Variants in GUCY2C observed in about 807,000 individuals in gnomAD.
GUCY2C encodes guanylyl cyclase C.
A neutral mutation model predicts 131.1 loss-of-function variants in GUCY2C; 118 were observed. The ratio of observed to expected loss-of-function variants is 0.90; its 90% CI spans 0.78 to 1.05. GUCY2C has a LOEUF of 1.05. GUCY2C is among the 50% of genes least tolerant of loss of function. The pLI, the probability that GUCY2C is intolerant of heterozygous loss-of-function variation, is 0.00. For missense variants in GUCY2C, 1,161 were observed against 1,304.4 expected (o/e 0.89, Z 1.69); for synonymous variants, 452 against 457.8 (o/e 0.99, Z 0.16).
intron 1 of GUCY2C, among the ~76,000 whole-genome samples, chr12:14,694,323 G>A (rs995012105): frequency 2.0e-5 from 3 of 152,166 alleles, no homozygotes; most frequent in African/African-American, 7.2e-5. Context: ...AGAGTGACCC[G>A]CAAACAGACA....
Position 14,645,340 on chromosome 12 carries a change from G to C in GUCY2C, c.1711-25C>G, listed in dbSNP as rs764132457. The C allele has an allele frequency of 1.1e-5, 13 of 1,198,094 alleles. No homozygotes were observed. In the East Asian group the frequency reaches 3.0e-4, roughly 28 times the overall value. The allele number at this position is 1,198,094 out of a possible 1,614,324, so 74.2% of individuals were successfully genotyped here. ...CCTGAATAGGAAAAAAGAAGAAGAA[G>C]AAAAGTTGTTGCAAGAAAGGATATT... On this transcript the variant is annotated intron_variant, in intron 15 of 26. Coordinates refer to ENST00000261170, the MANE Select transcript of GUCY2C (RefSeq NM_004963.4).
intron 10 of GUCY2C, among the ~76,000 whole-genome samples, chr12:14,665,494 G>A (rs779031064): frequency 1.2e-4 from 18 of 152,306 alleles, no homozygotes; most frequent in Middle Eastern, 6.8e-3. Context: ...AGGTAAAGCA[G>A]AGTTGCCAAT....
intron 1 of GUCY2C, among the ~76,000 whole-genome samples, chr12:14,695,273 T>G (rs1167769246): frequency 6.6e-6 from 1 of 152,196 alleles, no homozygotes; most frequent in Non-Finnish European, 1.5e-5. Flanking sequence ...TTTTCCCCCT[T>G]TATTTTACAC....
chr12:14,696,184 C>G (rs1948651615), intron 1 of GUCY2C, 48 bp downstream of exon 1: 2 of 1,440,866 alleles, frequency 1.4e-6, no homozygotes, highest in African/African-American at 1.4e-5. Context: ...CATTTTGTCC[C>G]CAGAGGTAGT....
At position 14,662,443 on chromosome 12, in the gene GUCY2C, G is replaced by A. The variant is rs563185871; in HGVS notation, c.1283-1381C>T. Among the ~76,000 whole-genome samples, 4 of 152,164 alleles carry A rather than the reference G, an allele frequency of 2.6e-5. No individual in the cohort carries two copies. The East Asian group carries it at 7.7e-4, about 29-fold the overall frequency. On this transcript the variant is annotated intron_variant, in intron 10 of 26. Transcript: ENST00000261170. ...GTAATCCCAGCACTTTGGGGGGGCT[G>A]AGGGGCCGATCACCTGAGGTCAGGA...
rs761987614 is a variant in GUCY2C at position 14,628,649 on chromosome 12, A to G, written c.2246T>C (p.Phe749Ser). 9.4e-6 allele frequency: 14 copies of G among 1,493,814 alleles called. No homozygotes were observed. The highest frequency in any genetic ancestry group is 1.1e-5 in the Non-Finnish European group (12 of 1,070,504). The allele number at this position is 1,493,814 out of a possible 1,614,324, so 92.5% of individuals were successfully genotyped here. The change falls in exon 20 of 27, where the codon TTT becomes TCT. Residue 749 changes from phenylalanine (F) to serine (S), a missense_variant. By Grantham distance (155) the Phe-to-Ser change is radical (BLOSUM62 -2). Coordinates refer to ENST00000261170, the MANE Select transcript of GUCY2C (RefSeq NM_004963.4). ...KKIETTLAKI[F>S]GLFHDQKNES... is the part of the protein sequence containing the mutation. The stretch of plus-strand genomic sequence containing the variant: ...AAAGTAAACATTTCAGCAATACCCA[A>G]ATATCTTGGCAAGTGTAGTCTCAAT...
At chr12:14,661,096 A>G (rs1390083077) in intron 10 of GUCY2C, 34 bp from the exon 11 acceptor site, 1 of 1,302,900 alleles carries the variant, frequency 7.7e-7, no homozygotes, top group South Asian at 1.2e-5. Flanking sequence ...AGGACCTTAG[A>G]CAAGAGAGCA....
intron 10 of GUCY2C, among the ~76,000 whole-genome samples, chr12:14,663,762 A>C (rs1180898711): frequency 6.6e-6 from 1 of 152,172 alleles, no homozygotes; most frequent in Non-Finnish European, 1.5e-5. Flanking sequence ...GTTCATCCTT[A>C]CACCTTTGGC....
intron 4 of GUCY2C, 73 bp from the exon 5 acceptor site, chr12:14,681,550 G>T: frequency 7.8e-7 from 1 of 1,281,594 alleles, no homozygotes; most frequent in Non-Finnish European, 1.1e-6. Flanking sequence ...CTTCTTATTT[G>T]CAGATCTATC....
At chr12:14,677,530 A>G (rs1368006810) in intron 6 of GUCY2C, among the ~76,000 whole-genome samples, 1 of 152,014 alleles carries the variant, frequency 6.6e-6, no homozygotes, top group Non-Finnish European at 1.5e-5. Context: ...ATTGCTCTGC[A>G]AATGCTATGG....
chr12:14,640,576 T>G (rs554733895), intron 18 of GUCY2C, among the ~76,000 whole-genome samples: 1 of 152,308 alleles, frequency 6.6e-6, no homozygotes, highest in East Asian at 1.9e-4. Context: ...GTCCATACTT[T>G]GACCCACCCT....
At chr12:14,683,850 T>C (rs1263750337) in intron 3 of GUCY2C, among the ~76,000 whole-genome samples, 2 of 152,216 alleles carry the variant, frequency 1.3e-5, no homozygotes, top group African/African-American at 4.8e-5. Flanking sequence ...CAAACTGTTT[T>C]TCATTTATTT....
intron 15 of GUCY2C, among the ~76,000 whole-genome samples, chr12:14,647,127 C>G (rs916689753): frequency 6.6e-6 from 1 of 152,114 alleles, no homozygotes; most frequent in Admixed American, 6.6e-5. Flanking sequence ...TATCTGAGCA[C>G]CATTTTTAAA....
intron 10 of GUCY2C, among the ~76,000 whole-genome samples, chr12:14,668,915 C>T (rs796848446): frequency 1.9e-4 from 29 of 152,226 alleles, no homozygotes; most frequent in African/African-American, 6.3e-4. Context: ...GGGTAACTAT[C>T]ATTGCAACCC....
chr12:14,683,592 A>G (rs1948397838), intron 3 of GUCY2C, among the ~76,000 whole-genome samples: 1 of 152,170 alleles, frequency 6.6e-6, no homozygotes, highest in Admixed American at 6.6e-5. Context: ...CACAGCCACC[A>G]TAGTTGTTGT....
intron 24 of GUCY2C, among the ~76,000 whole-genome samples, chr12:14,616,947 T>A (rs1946775856): frequency 6.6e-6 from 1 of 152,164 alleles, no homozygotes; most frequent in Admixed American, 6.5e-5. Flanking sequence ...TGAATTTTAA[T>A]CCCCAGTGCT....
At chr12:14,616,231 T>C (rs1946758856) in intron 25 of GUCY2C, among the ~76,000 whole-genome samples, 1 of 152,046 alleles carries the variant, frequency 6.6e-6, no homozygotes, top group African/African-American at 2.4e-5. Context: ...AGCTTCCGAA[T>C]AGTAAAGCAA....
At position 14,622,083 on chromosome 12, in the gene GUCY2C, G is replaced by A. The variant is rs1433605456; in HGVS notation, c.2523C>T (p.Thr841=). Residue 841 remains threonine (T), a synonymous_variant, in exon 22 of 27, where the codon ACC becomes ACT. Transcript: ENST00000261170. Reference sequence around the variant, plus strand: ...TAAGCATGTCCACCACTTCCATGGGGGTGCTGTATTTGCAGATAGTAGTGA... The same window carrying A: ...TAAGCATGTCCACCACTTCCATGGGAGTGCTGTATTTGCAGATAGTAGTGA... ...VGFTTICKYS[T]PMEVVDMLND... is the part of the protein sequence containing the mutation. The A allele has an allele frequency of 6.2e-7, 1 of 1,609,630 alleles. No individual in the cohort carries two copies. The highest frequency in any genetic ancestry group is 2.2e-5 in the East Asian group (1 of 44,700).
At chr12:14,623,791 G>T (rs1253991528) in intron 21 of GUCY2C, among the ~76,000 whole-genome samples, 1 of 151,154 alleles carries the variant, frequency 6.6e-6, no homozygotes, top group Non-Finnish European at 1.5e-5. Context: ...CTCCCCCTTT[G>T]CTCTCTCTCT....
Sources: allele counts gnomAD v4.1 joint callset (sites outside exome capture counted in the v4.1 genomes callset), GRCh38; gene constraint gnomAD v4.1.1; transcripts MANE v1.5; gene names NCBI Gene and HGNC (gene_info 2026-07-23, HGNC 2026-07-21).